The following MTMR7 variants were observed in gnomAD, a reference collection of about 807,000 sequenced individuals.
The protein encoded by MTMR7 is myotubularin related protein 7.
MTMR7 carries 76 observed loss-of-function variants against 81.2 expected under a neutral mutation model. The observed-to-expected ratio is 0.94, with a 90% CI of 0.78 to 1.13. MTMR7 has a LOEUF of 1.13. MTMR7 is among the 50% of genes most tolerant of loss of function. The probability of loss-of-function intolerance (pLI) is 0.00; values close to 1 mark genes in which losing one functional copy is unlikely to be tolerated. For synonymous variants in MTMR7, 372 were observed against 289.8 expected, an observed-to-expected ratio of 1.28 and a Z score of -2.88; for missense variants, 1,044 against 820.0, an observed-to-expected ratio of 1.27 and a Z score of -3.34.
At chr8:17,304,763 G>C (rs1427140597) in intron 11 of MTMR7, among the ~76,000 whole-genome samples, 1 of 151,870 alleles carries the variant, frequency 6.6e-6, no homozygotes, top group Non-Finnish European at 1.5e-5. Flanking sequence ...GTGTGTGTGT[G>C]TGTGTTAAGC....
chr8:17,314,281 C>A (rs1459910346), intron 7 of MTMR7, among the ~76,000 whole-genome samples: 1 of 152,056 alleles, frequency 6.6e-6, no homozygotes, highest in Non-Finnish European at 1.5e-5. Flanking sequence ...TCATAGATTT[C>A]TTTTTATTTT....
At chr8:17,342,612 G>A (rs1451097659) in intron 5 of MTMR7, among the ~76,000 whole-genome samples, 1 of 152,126 alleles carries the variant, frequency 6.6e-6, no homozygotes, top group Non-Finnish European at 1.5e-5. Context: ...GGAGAAGGTG[G>A]GGACATTTCT....
At chr8:17,332,842 G>T (rs889560662) in intron 6 of MTMR7, among the ~76,000 whole-genome samples, 1 of 152,026 alleles carries the variant, frequency 6.6e-6, no homozygotes, top group Non-Finnish European at 1.5e-5. Flanking sequence ...AAGTTTTTGC[G>T]TGTTTATCAA....
intron 1 of MTMR7, among the ~76,000 whole-genome samples, chr8:17,397,748 T>C (rs1415488381): frequency 6.6e-6 from 1 of 152,074 alleles, no homozygotes; most frequent in African/African-American, 2.4e-5. Flanking sequence ...CAGGTAGTGG[T>C]TACAGTGGAT....
At chr8:17,379,791 G>T (rs778120409) in intron 1 of MTMR7, among the ~76,000 whole-genome samples, 1 of 152,042 alleles carries the variant, frequency 6.6e-6, no homozygotes, top group Non-Finnish European at 1.5e-5. Flanking sequence ...TTGATTGTTT[G>T]TTTTTGTTTT....
chr8:17,350,996 C>T (rs749508085), intron 4 of MTMR7, among the ~76,000 whole-genome samples: 11 of 152,186 alleles, frequency 7.2e-5, no homozygotes, highest in Non-Finnish European at 1.2e-4. Context: ...CCATAAAACA[C>T]GGCACTCCCT....
At chr8:17,355,770 A>G (rs1367269336) in intron 4 of MTMR7, among the ~76,000 whole-genome samples, 1 of 152,210 alleles carries the variant, frequency 6.6e-6, no homozygotes, top group African/African-American at 2.4e-5. Flanking sequence ...TATAGAAAAA[A>G]GAGCAAAAAT....
chr8:17,350,715 C>T (rs1819705232), intron 4 of MTMR7, among the ~76,000 whole-genome samples: 1 of 152,200 alleles, frequency 6.6e-6, no homozygotes, highest in Admixed American at 6.5e-5. Flanking sequence ...ATCCAAGCCT[C>T]TTATAAAGTC....
At position 17,299,977 on chromosome 8, in the gene MTMR7, T is replaced by C; in HGVS notation, c.1868A>G (p.Gln623Arg). The C allele has an allele frequency of 1.2e-6, 2 of 1,614,152 alleles. No homozygotes were observed. The highest frequency in any genetic ancestry group is 1.7e-6 in the Non-Finnish European group (2 of 1,180,002). The change falls in exon 14 of 14, where the codon CAA (glutamine) becomes CGA (arginine). Residue 623 changes from glutamine (Q) to arginine (R), a missense_variant. Coordinates refer to ENST00000180173, the MANE Select transcript of MTMR7 (RefSeq NM_004686.5). ...GCTCAAATCCTCCACCCCGGACTCT[T>C]GGTCACTGTTGGCTGACAGATCTGG... ...SDPDLSANSD[Q>R]ESGVEDLSCR...
chr8:17,365,609 C>CAG (rs1313402861), intron 3 of MTMR7, among the ~76,000 whole-genome samples: 1 of 152,136 alleles, frequency 6.6e-6, no homozygotes. Flanking sequence ...GAAGGCCTCA[C>CAG]CCTAAGGGGC....
chr8:17,397,584 T>C (rs1821300739), intron 1 of MTMR7, among the ~76,000 whole-genome samples: 1 of 152,148 alleles, frequency 6.6e-6, no homozygotes, highest in Admixed American at 6.5e-5. Flanking sequence ...TTTTTAAGGA[T>C]GTTGACTCCA....
intron 1 of MTMR7, among the ~76,000 whole-genome samples, chr8:17,386,185 A>T (rs905151039): frequency 7.9e-5 from 12 of 152,150 alleles, no homozygotes; most frequent in African/African-American, 2.9e-4. Context: ...AGACCAGTCC[A>T]GATCATGCAG....
intron 1 of MTMR7, among the ~76,000 whole-genome samples, chr8:17,387,868 A>G (rs1213711436): frequency 6.6e-6 from 1 of 152,222 alleles, no homozygotes; most frequent in Non-Finnish European, 1.5e-5. Context: ...ATGATTTTGG[A>G]TAAGCCTGAG....
intron 1 of MTMR7, among the ~76,000 whole-genome samples, chr8:17,410,817 TA>T (rs1331570540): frequency 6.6e-6 from 1 of 152,234 alleles, no homozygotes; most frequent in Non-Finnish European, 1.5e-5. Flanking sequence ...ACTTCCATTG[TA>T]ACAGAAAAGC....
intron 1 of MTMR7, among the ~76,000 whole-genome samples, chr8:17,409,531 T>C (rs1821683996): frequency 6.6e-6 from 1 of 152,214 alleles, no homozygotes; most frequent in Non-Finnish European, 1.5e-5. Flanking sequence ...ATTCTGAATT[T>C]ATTTACTGCA....
intron 4 of MTMR7, among the ~76,000 whole-genome samples, chr8:17,360,804 G>A (rs1294919362): frequency 2.0e-5 from 3 of 152,088 alleles, no homozygotes; most frequent in African/African-American, 7.2e-5. Context: ...GACCTGATGG[G>A]AGAATGAGAT....
intron 10 of MTMR7, among the ~76,000 whole-genome samples, chr8:17,307,416 G>T (rs1028838623): frequency 6.6e-6 from 1 of 152,110 alleles, no homozygotes; most frequent in African/African-American, 2.4e-5. Flanking sequence ...GAAGAAATAG[G>T]AACACTTTTA....
intron 6 of MTMR7, among the ~76,000 whole-genome samples, chr8:17,335,208 G>A (rs1246246081): frequency 2.0e-5 from 3 of 152,108 alleles, no homozygotes; most frequent in South Asian, 2.1e-4. Flanking sequence ...GAGGAGGGAC[G>A]GAGAACGCAG....
intron 1 of MTMR7, among the ~76,000 whole-genome samples, chr8:17,387,336 G>A (rs911104942): frequency 2.0e-5 from 3 of 152,152 alleles, no homozygotes; most frequent in Non-Finnish European, 4.4e-5. Flanking sequence ...CGTGAAGTAC[G>A]GAGGTACAGA....
Sources: gnomAD v4.1 joint callset for allele counts (sites outside exome capture counted in the v4.1 genomes callset) on GRCh38, gnomAD v4.1.1 for gene constraint, MANE v1.5 for transcripts, NCBI Gene and HGNC (gene_info 2026-07-23, HGNC 2026-07-21) for gene names.